PCLO: variants seen among roughly 807,000 people sequenced by gnomAD.
PCLO encodes the protein protein piccolo.
A neutral mutation model predicts 427.5 loss-of-function variants in PCLO; 82 were observed. The ratio of observed to expected loss-of-function variants is 0.19; its 90% CI spans 0.16 to 0.23. The LOEUF is 0.23. PCLO is among the 10% of genes least tolerant of loss of function. PCLO has a pLI of 1.00. For missense variants in PCLO, 6,239 were observed against 6,115.9 expected, an observed-to-expected ratio of 1.02 and a Z score of -0.67; for synonymous variants, 2,357 against 2,155.4, an observed-to-expected ratio of 1.09 and a Z score of -2.59.
chr7:82,765,352 A>G (rs1418605851), intron 22 of PCLO, among the ~76,000 whole-genome samples: 1 of 151,928 alleles, frequency 6.6e-6, no homozygotes, highest in Non-Finnish European at 1.5e-5. Flanking sequence ...GAAAGGAACA[A>G]CAAAATAAAA....
intron 9 of PCLO, among the ~76,000 whole-genome samples, chr7:82,887,593 G>T (rs1242274483): frequency 6.6e-6 from 1 of 152,062 alleles, no homozygotes; most frequent in Non-Finnish European, 1.5e-5. Context: ...CACTTCCTTA[G>T]CAGGAACACA....
At chr7:82,935,785 G>T (rs1292437678) in intron 6 of PCLO, among the ~76,000 whole-genome samples, 1 of 151,614 alleles carries the variant, frequency 6.6e-6, no homozygotes, top group South Asian at 2.1e-4. Context: ...ACTGGAGTAA[G>T]ATCATAGAAA....
chr7:82,829,510 C>T (rs1052981644), intron 16 of PCLO, among the ~76,000 whole-genome samples: 3 of 152,066 alleles, frequency 2.0e-5, no homozygotes, highest in Non-Finnish European at 2.9e-5. Context: ...CAGCATTCCT[C>T]GCACTTCAAC....
chr7:83,087,788 A>G (rs1353197248), intron 3 of PCLO, among the ~76,000 whole-genome samples: 1 of 152,180 alleles, frequency 6.6e-6, no homozygotes, highest in Non-Finnish European at 1.5e-5. Context: ...CTATTAAATT[A>G]TGTATTATGC....
intron 10 of PCLO, among the ~76,000 whole-genome samples, chr7:82,855,528 T>C (rs956910531): frequency 1.3e-5 from 2 of 152,190 alleles, no homozygotes; most frequent in African/African-American, 4.8e-5. Context: ...TGCAACATAA[T>C]ATGATAATTT....
intron 3 of PCLO, among the ~76,000 whole-genome samples, chr7:83,022,342 G>A (rs948072474): frequency 2.0e-5 from 3 of 152,132 alleles, no homozygotes; most frequent in African/African-American, 7.2e-5. Flanking sequence ...CAGCCTGAAT[G>A]AACTAAAACA....
chr7:83,134,416 A>C lies in PCLO; in HGVS notation c.3134T>G (p.Leu1045Arg). ...SLTAEPQKAV[L>R]PTKLEKSPKP... ...GGGCGATTTCTCCAGTTTTGTGGGAAGGACAGCCTTTTGAGGCTCAGCTGT... is the reference window on the plus strand; with the variant it reads ...GGGCGATTTCTCCAGTTTTGTGGGACGGACAGCCTTTTGAGGCTCAGCTGT... The change falls in exon 3 of 25, where the codon CTT (leucine) becomes CGT (arginine). Residue 1045 changes from leucine (L) to arginine (R), a missense_variant. Transcript: ENST00000333891. 1 of 1,613,848 alleles carries C rather than the reference A, an allele frequency of 6.2e-7. No individual in the cohort carries two copies. The highest frequency in any genetic ancestry group is 8.5e-7 in the Non-Finnish European group (1 of 1,179,878).
rs1790533030 is a variant in PCLO at position 82,766,413 on chromosome 7, A to G, written c.15008-4920T>C. On this transcript the variant is annotated intron_variant, in intron 22 of 24. Coordinates refer to ENST00000333891, the MANE Select transcript of PCLO (RefSeq NM_033026.6). ...AAGAGGTAGCAAAAAACCTAGTTAA[A>G]TGAGGTGGCAAATCTATCTATCAGG... Among the ~76,000 whole-genome samples the G allele has an allele frequency of 1.3e-5, 2 of 152,044 alleles. 1 individual carries two copies. Among genetic ancestry groups the G allele is most frequent in the South Asian group, 4.1e-4 (2 of 4,830 alleles).
chr7:83,093,477 G>T (rs181945076), intron 3 of PCLO, among the ~76,000 whole-genome samples: 22,326 of 83,920 alleles, frequency 0.27, 3,564 homozygotes, highest in East Asian at 0.55. Flanking sequence ...TGTGTGTATA[G>T]ATATATATAT....
At chr7:83,040,773 C>G (rs1190732169) in intron 3 of PCLO, among the ~76,000 whole-genome samples, 2 of 152,100 alleles carry the variant, frequency 1.3e-5, no homozygotes, top group African/African-American at 4.8e-5. Context: ...TTAGAGCTCT[C>G]CTTTCTAAGA....
intron 13 of PCLO, among the ~76,000 whole-genome samples, chr7:82,843,695 C>T (rs375292728): frequency 2.1e-5 from 3 of 145,334 alleles, no homozygotes; most frequent in African/African-American, 7.5e-5. Flanking sequence ...GACAGAGTCT[C>T]ACTCTGTCCC....
intron 17 of PCLO, 94 bp downstream of exon 17, chr7:82,827,779 G>A: frequency 1.5e-6 from 1 of 650,786 alleles, no homozygotes; most frequent in Non-Finnish European, 2.5e-6. Context: ...TGTTTGATTG[G>A]CAAAATGTAT....
At chr7:83,033,106 C>A (rs1185294609) in intron 3 of PCLO, among the ~76,000 whole-genome samples, 2 of 152,084 alleles carry the variant, frequency 1.3e-5, no homozygotes, top group African/African-American at 2.4e-5. Flanking sequence ...CCCCTTCACC[C>A]TTCTGTCAGA....
chr7:82,993,837 T>C (rs941083601), intron 3 of PCLO, among the ~76,000 whole-genome samples: 1 of 152,084 alleles, frequency 6.6e-6, no homozygotes, highest in African/African-American at 2.4e-5. Flanking sequence ...TATCCATTCA[T>C]TCACTCATCT....
Position 83,136,039 on chromosome 7 carries a change from A to G in PCLO, c.1894-383T>C, listed in dbSNP as rs141527276. 2.0e-3 allele frequency among the ~76,000 whole-genome samples: 299 copies of G among 152,078 alleles called. 4 individuals carry two copies. The highest frequency in any genetic ancestry group is 6.3e-3 in the African/African-American group (262 of 41,526). ...CTTGAATCCAGGAGGCTGAGGTTGC[A>G]GTGAGCCGAGATCGCGCCATTGCAC... is the stretch of plus-strand genomic sequence containing the variant. On this transcript the variant is annotated intron_variant, in intron 2 of 24. Coordinates refer to ENST00000333891, the MANE Select transcript of PCLO (RefSeq NM_033026.6).
chr7:82,902,509 T>C lies in PCLO; in HGVS notation c.13528+142A>G, dbSNP rs575885901. On this transcript the variant is annotated intron_variant, in intron 9 of 24. Transcript: ENST00000333891. Reference sequence around the variant, plus strand: ...AGTTAATGGGTGCAGCACACCAGCATGGCACATGTATACATATGTAACTAA... The same window carrying C: ...AGTTAATGGGTGCAGCACACCAGCACGGCACATGTATACATATGTAACTAA... 1.8e-4 allele frequency: 102 copies of C among 554,540 alleles called. No individual in the cohort carries two copies. In the East Asian group the frequency reaches 2.8e-3, roughly 15 times the overall value. 34.4% of individuals were successfully genotyped at this position (554,540 alleles called of 1,614,324 possible). A position where few individuals can be genotyped will look rare whatever the true frequency, so the allele number is the denominator to read the frequency against.
rs1795949500 is a variant in PCLO at position 82,973,445 on chromosome 7, AG to A, written c.3301-6959del. ...AGAACATAAATATGTATATGAATAC[AG>A]TGTTGAGAAATAAAAATAGTCAACA... is the stretch of plus-strand genomic sequence containing the variant. On this transcript the variant is annotated intron_variant, in intron 3 of 24. Coordinates refer to ENST00000333891, the MANE Select transcript of PCLO (RefSeq NM_033026.6). Among the ~76,000 whole-genome samples the A allele has an allele frequency of 2.0e-5, 3 of 152,334 alleles. No homozygotes were observed. In the South Asian group the frequency reaches 6.2e-4, roughly 32 times the overall value.
intron 22 of PCLO, among the ~76,000 whole-genome samples, chr7:82,766,841 A>G (rs1418090802): frequency 6.6e-6 from 1 of 152,230 alleles, no homozygotes; most frequent in African/African-American, 2.4e-5. Context: ...TTAACTTCAC[A>G]GGCTTCACAG....
chr7:82,956,979 A>T lies in PCLO; in HGVS notation c.4018-44T>A, dbSNP rs769036077. ...ATACAGGAAAACTTAACATGGTTAA[A>T]CTAAAAACATGGCCTCTCCATTACT... On this transcript the variant is annotated intron_variant, in intron 4 of 24. Coordinates refer to ENST00000333891, the MANE Select transcript of PCLO (RefSeq NM_033026.6). 5 of 1,488,338 alleles carry T rather than the reference A, an allele frequency of 3.4e-6. No individual in the cohort carries two copies. The African/African-American group carries it at 7.0e-5, about 21-fold the overall frequency. The allele number at this position is 1,488,338 out of a possible 1,614,324, so 92.2% of individuals were successfully genotyped here.
Sources: gnomAD v4.1 joint callset for allele counts (sites outside exome capture counted in the v4.1 genomes callset) on GRCh38, gnomAD v4.1.1 for gene constraint, MANE v1.5 for transcripts, NCBI Gene and HGNC (gene_info 2026-07-23, HGNC 2026-07-21) for gene names.